Variants in GRAMD1B observed in about 807,000 individuals in gnomAD.
GRAMD1B encodes the protein protein Aster-B.
Under a neutral mutation model 99.7 loss-of-function variants are expected in GRAMD1B, and 37 were observed. The ratio of observed to expected loss-of-function variants is 0.37; its 90% CI spans 0.29 to 0.49. The LOEUF is 0.49. Ranked by LOEUF, GRAMD1B falls within the 20% of genes least tolerant of loss-of-function variation. The probability of loss-of-function intolerance (pLI) is 0.98; values close to 1 mark genes in which losing one functional copy is unlikely to be tolerated. For synonymous variants in GRAMD1B, 427 were observed against 387.6 expected (o/e 1.10, Z -1.19); for missense variants, 888 against 1,009.2 (o/e 0.88, Z 1.63).
At chr11:123,622,379 C>T (rs943384630) in intron 19 of GRAMD1B, 127 bp from the exon 20 acceptor site, 12 of 638,564 alleles carry the variant, frequency 1.9e-5, no homozygotes, top group Middle Eastern at 5.7e-4. Context: ...TTTAGGTGCC[C>T]GACTCTTTTC....
At chr11:123,619,574 G>T (rs781030509) in intron 19 of GRAMD1B, 9 of 1,163,556 alleles carry the variant, frequency 7.7e-6, no homozygotes, top group Non-Finnish European at 8.6e-6. Flanking sequence ...ACAGAGATTT[G>T]TCTTCCCAGA....
At chr11:123,380,147 G>A (rs1354385525) in intron 1 of GRAMD1B, among the ~76,000 whole-genome samples, 2 of 152,182 alleles carry the variant, frequency 1.3e-5, no homozygotes, top group Middle Eastern at 3.4e-3. Context: ...ATTTATTGAT[G>A]GTATCCTTTG....
intron 1 of GRAMD1B, among the ~76,000 whole-genome samples, chr11:123,456,173 A>AAAAAC (rs55637022): frequency 0.12 from 18,138 of 151,852 alleles, 1,221 homozygotes; most frequent in Non-Finnish European, 0.15. Flanking sequence ...AGACTGTCTC[A>AAAAAC]AAAACAAAAC....
At chr11:123,395,076 C>CATCCCCCCTACAAGTTTATA (rs1426101229) in intron 1 of GRAMD1B, among the ~76,000 whole-genome samples, 4 of 152,194 alleles carry the variant, frequency 2.6e-5, no homozygotes, top group Non-Finnish European at 5.9e-5. Flanking sequence ...TGAAACATAG[C>CATCCCCCCTACAAGTTTATA]ATCCCCCCTA....
In GRAMD1B at chr11:123,479,290, G is replaced by A. The variant is rs1951462907; in HGVS notation, c.375-1526G>A. Among the ~76,000 whole-genome samples, 3 of 152,174 alleles carry A rather than the reference G, an allele frequency of 2.0e-5. No homozygotes were observed. In the South Asian group the frequency reaches 6.2e-4, roughly 31 times the overall value. ...CTTTCAGGTCATTTACTTCTTGCTGGAAGAACGGAACATAAGAGCATGTGG... is the reference window on the plus strand; with the variant it reads ...CTTTCAGGTCATTTACTTCTTGCTGAAAGAACGGAACATAAGAGCATGTGG... On this transcript the variant is annotated intron_variant, in intron 1 of 19. Coordinates refer to ENST00000635736, the MANE Select transcript of GRAMD1B (RefSeq NM_001387025.1).
At chr11:123,442,857 G>GCC (rs35315951) in intron 1 of GRAMD1B, among the ~76,000 whole-genome samples, 6 of 150,894 alleles carry the variant, frequency 4.0e-5, no homozygotes, top group Admixed American at 1.3e-4. Context: ...GATTATTTAT[G>GCC]CCCCCCCCCA....
intron 2 of GRAMD1B, among the ~76,000 whole-genome samples, chr11:123,548,291 A>AATATATATATATATATATAT (rs139996126): frequency 2.4e-4 from 18 of 75,144 alleles, no homozygotes; most frequent in Non-Finnish European, 3.9e-4. Flanking sequence ...GCTGTGCCAA[A>AATATATATATATATATATAT]ATATATATAT....
chr11:123,405,508 A>T (rs868224124), intron 1 of GRAMD1B, among the ~76,000 whole-genome samples: 1 of 152,222 alleles, frequency 6.6e-6, no homozygotes, highest in Non-Finnish European at 1.5e-5. Flanking sequence ...GACGGGCACA[A>T]GGCTGCTGCG....
Position 123,598,072 on chromosome 11 carries a change from C to G in GRAMD1B, c.969+2035C>G, listed in dbSNP as rs375677005. The G allele has an allele frequency of 1.9e-6, 3 of 1,539,738 alleles. No individual in the cohort carries two copies. In the East Asian group the frequency reaches 6.7e-5, roughly 35 times the overall value. On this transcript the variant is annotated intron_variant, in intron 7 of 19. Coordinates refer to ENST00000635736, the MANE Select transcript of GRAMD1B (RefSeq NM_001387025.1). ...AAGCCTTCTGCAATTTCAGTTTGGCCCACAAGGAGACAGCATCTTTAATCT... is the reference window on the plus strand; with the variant it reads ...AAGCCTTCTGCAATTTCAGTTTGGCGCACAAGGAGACAGCATCTTTAATCT...
chr11:123,595,745 G>T (rs1291005947), intron 6 of GRAMD1B, among the ~76,000 whole-genome samples, 197 bp from the exon 7 acceptor site: 1 of 152,176 alleles, frequency 6.6e-6, no homozygotes, highest in East Asian at 1.9e-4. Flanking sequence ...TGTAGACAAG[G>T]CTCAGTCCCC....
chr11:123,513,581 C>CTTT (rs1565315626), intron 2 of GRAMD1B, among the ~76,000 whole-genome samples: 10 of 65,894 alleles, frequency 1.5e-4, no homozygotes, highest in African/African-American at 7.8e-4. Flanking sequence ...TCCTTCCTTT[C>CTTT]CTTCCTTCCT....
At chr11:123,581,933 G>A (rs1395388115) in intron 3 of GRAMD1B, among the ~76,000 whole-genome samples, 2 of 152,256 alleles carry the variant, frequency 1.3e-5, no homozygotes, top group African/African-American at 2.4e-5. Context: ...TGCAGGAGGA[G>A]TCACAGGCAT....
At chr11:123,532,198 T>C (rs1053979956) in intron 2 of GRAMD1B, among the ~76,000 whole-genome samples, 9 of 152,230 alleles carry the variant, frequency 5.9e-5, no homozygotes, top group African/African-American at 2.2e-4. Flanking sequence ...CCTCAGGCTC[T>C]GGAAAACTCT....
intron 2 of GRAMD1B, among the ~76,000 whole-genome samples, chr11:123,515,305 T>G (rs1241665910): frequency 1.3e-5 from 2 of 152,082 alleles, no homozygotes; most frequent in African/African-American, 2.4e-5. Flanking sequence ...TCAGAAACAA[T>G]GAGAAATTTG....
At chr11:123,367,702 T>C (rs546408890) in intron 1 of GRAMD1B, among the ~76,000 whole-genome samples, 63 of 152,206 alleles carry the variant, frequency 4.1e-4, no homozygotes, top group African/African-American at 1.5e-3. Context: ...TTTCTTTTTT[T>C]TTTTTAGCAG....
intron 2 of GRAMD1B, among the ~76,000 whole-genome samples, chr11:123,565,940 G>T (rs1470755881): frequency 1.3e-5 from 2 of 152,084 alleles, no homozygotes; most frequent in Non-Finnish European, 2.9e-5. Context: ...AGTCTTTATT[G>T]TCCCAGCCCT....
chr11:123,524,530 G>T (rs538791682), intron 2 of GRAMD1B, among the ~76,000 whole-genome samples: 2 of 151,896 alleles, frequency 1.3e-5, no homozygotes, highest in African/African-American at 4.8e-5. Flanking sequence ...TAGTAGAGAC[G>T]AGGTTTCGCC....
intron 2 of GRAMD1B, among the ~76,000 whole-genome samples, chr11:123,567,652 A>T (rs534781556): frequency 2.7e-4 from 41 of 152,298 alleles, no homozygotes; most frequent in African/African-American, 8.9e-4. Flanking sequence ...AGTGTTTGTC[A>T]TGCCTGTTCC....
At chr11:123,539,899 C>T (rs1944336300) in intron 2 of GRAMD1B, among the ~76,000 whole-genome samples, 1 of 152,184 alleles carries the variant, frequency 6.6e-6, no homozygotes, top group Non-Finnish European at 1.5e-5. Context: ...AGTACCTCCT[C>T]CTTGAAGAAA....
Sources: gnomAD v4.1 joint callset for allele counts (sites outside exome capture counted in the v4.1 genomes callset) on GRCh38, gnomAD v4.1.1 for gene constraint, MANE v1.5 for transcripts, NCBI Gene and HGNC (gene_info 2026-07-23, HGNC 2026-07-21) for gene names.